Variants in TMEM232 observed in about 807,000 individuals in gnomAD.
TMEM232 encodes the protein transmembrane protein 232.
Under a neutral mutation model 78.8 loss-of-function variants are expected in TMEM232, and 80 were observed. The ratio of observed to expected loss-of-function variants is 1.01; its 90% CI spans 0.85 to 1.22. TMEM232 has a LOEUF of 1.22. TMEM232 is among the 50% of genes most tolerant of loss of function. TMEM232 has a pLI of 0.00. For missense variants in TMEM232, 881 were observed against 742.2 expected, an observed-to-expected ratio of 1.19 and a Z score of -2.17; for synonymous variants, 297 against 254.3, an observed-to-expected ratio of 1.17 and a Z score of -1.60.
At chr5:110,655,898 G>T (rs1378783144) in intron 2 of TMEM232, among the ~76,000 whole-genome samples, 1 of 116,542 alleles carries the variant, frequency 8.6e-6, no homozygotes, top group African/African-American at 3.4e-5. Context: ...ACACTCTGGG[G>T]ACTGTTGTGG....
rs386404691 is a variant in TMEM232 at position 110,705,738 on chromosome 5, ATGTG to A, written c.-13+20885_-13+20888del. Among the ~76,000 whole-genome samples, 13 of 144,438 alleles carry A rather than the reference ATGTG, an allele frequency of 9.0e-5. No individual in the cohort carries two copies. The East Asian group carries it at 1.9e-3, about 21-fold the overall frequency. The allele number at this position is 144,438 out of a possible 152,430, so 94.8% of individuals were successfully genotyped here. A position where few individuals can be genotyped will look rare whatever the true frequency, so the allele number is the denominator to read the frequency against. On this transcript the variant is annotated intron_variant, in intron 1 of 13. Coordinates refer to ENST00000455884, the MANE Select transcript of TMEM232 (RefSeq NM_001039763.4). ...TATATATATATACACACACACACAT[ATGTG>A]TGTGTGTGTGTATGTGTGTGCGTGT...
intron 12 of TMEM232, among the ~76,000 whole-genome samples, chr5:110,469,916 A>T (rs1762488545): frequency 6.6e-6 from 1 of 152,066 alleles, no homozygotes; most frequent in African/African-American, 2.4e-5. Flanking sequence ...GTCCCCTAAA[A>T]TTTGAGCTGC....
Position 110,639,582 on chromosome 5 carries a change from G to A in TMEM232, c.344-1227C>T, listed in dbSNP as rs146056464. 1.0e-2 allele frequency among the ~76,000 whole-genome samples: 1,522 copies of A among 152,244 alleles called. 32 individuals are homozygous for A. The highest frequency in any genetic ancestry group is 0.034 in the African/African-American group (1,420 of 41,544). On this transcript the variant is annotated intron_variant, in intron 4 of 13. Transcript: ENST00000455884. ...TACCAAGCAAACTAGACAGGAACAA[G>A]GAAGAGTATAGGCAGGAAAGGCATG...
chr5:110,725,794 T>C (rs1252236372), intron 1 of TMEM232: 1 of 152,170 alleles, frequency 6.6e-6, no homozygotes, highest in East Asian at 1.9e-4. Context: ...AAAATGAGGT[T>C]GAAACTGTAT....
chr5:110,487,727 T>C (rs964017146), intron 12 of TMEM232, among the ~76,000 whole-genome samples: 14 of 152,260 alleles, frequency 9.2e-5, no homozygotes, highest in African/African-American at 3.4e-4. Flanking sequence ...TTAAGAATCT[T>C]AGCATCTATA....
Position 110,461,794 on chromosome 5 carries a change from C to A in TMEM232, c.1704-36878G>T, listed in dbSNP as rs116238337. Among the ~76,000 whole-genome samples the A allele has an allele frequency of 3.8e-3, 582 of 152,176 alleles. 4 individuals are homozygous for A. The highest frequency in any genetic ancestry group is 0.013 in the African/African-American group (559 of 41,504). On this transcript the variant is annotated intron_variant, in intron 12 of 13. Coordinates refer to ENST00000455884, the MANE Select transcript of TMEM232 (RefSeq NM_001039763.4). ...ATGCTAAATCTACTTTGCCTATGCT[C>A]TAAATATAGTTTAACAAAGCCTAAA... is the stretch of plus-strand genomic sequence containing the variant.
chr5:110,675,619 C>T (rs1791931048), intron 1 of TMEM232, among the ~76,000 whole-genome samples: 1 of 152,160 alleles, frequency 6.6e-6, no homozygotes, highest in African/African-American at 2.4e-5. Context: ...TCAGCTGGCA[C>T]CTTTTCTCCA....
At chr5:110,543,330 C>A (rs1773395680) in intron 11 of TMEM232, among the ~76,000 whole-genome samples, 1 of 152,134 alleles carries the variant, frequency 6.6e-6, no homozygotes, top group African/African-American at 2.4e-5. Context: ...AAATTTCTAT[C>A]CTTCATTGAT....
intron 2 of TMEM232, among the ~76,000 whole-genome samples, chr5:110,665,530 G>A (rs1291510835): frequency 2.0e-5 from 3 of 152,104 alleles, no homozygotes; most frequent in Non-Finnish European, 4.4e-5. Context: ...GGTGGCAGGA[G>A]AGAGTGAGAA....
intron 1 of TMEM232, among the ~76,000 whole-genome samples, chr5:110,675,690 T>C (rs1017974715): frequency 6.6e-6 from 1 of 152,236 alleles, no homozygotes; most frequent in East Asian, 1.9e-4. Context: ...TTATGTTGTA[T>C]AATGTGATGT....
chr5:110,446,372 C>T lies in TMEM232; in HGVS notation c.1704-21456G>A, dbSNP rs1055803478. Among the ~76,000 whole-genome samples, 6 of 152,102 alleles carry T rather than the reference C, an allele frequency of 3.9e-5. No homozygotes were observed. The South Asian group carries it at 1.0e-3, about 26-fold the overall frequency. On this transcript the variant is annotated intron_variant, in intron 12 of 13. Coordinates refer to ENST00000455884, the MANE Select transcript of TMEM232 (RefSeq NM_001039763.4). ...TTTCAAAATTATTCTGACAGCTGTGCAGATTAAACAAGAAATACTTAGAGA... is the reference window on the plus strand; with the variant it reads ...TTTCAAAATTATTCTGACAGCTGTGTAGATTAAACAAGAAATACTTAGAGA...
intron 5 of TMEM232, among the ~76,000 whole-genome samples, chr5:110,629,852 A>T (rs980628439): frequency 1.3e-5 from 2 of 152,336 alleles, no homozygotes; most frequent in East Asian, 1.9e-4. Context: ...GAAGTCAATC[A>T]TTAAGAATAT....
chr5:110,459,961 G>T (rs1364068623), intron 12 of TMEM232, among the ~76,000 whole-genome samples: 1 of 152,126 alleles, frequency 6.6e-6, no homozygotes, highest in Non-Finnish European at 1.5e-5. Context: ...TGTAAAAAAT[G>T]TCAAGATTAA....
At chr5:110,711,859 C>T (rs1796515922) in intron 1 of TMEM232, among the ~76,000 whole-genome samples, 1 of 152,058 alleles carries the variant, frequency 6.6e-6, no homozygotes, top group South Asian at 2.1e-4. Flanking sequence ...GTAATCCCAG[C>T]ACTTTGGGAG....
At chr5:110,401,008 A>G (rs1580556644) in intron 2 of TMEM232, among the ~76,000 whole-genome samples, 1 of 152,202 alleles carries the variant, frequency 6.6e-6, no homozygotes, top group African/African-American at 2.4e-5. Context: ...TGTATATCAA[A>G]ACAACTTTCT....
intron 10 of TMEM232, among the ~76,000 whole-genome samples, chr5:110,598,663 A>G (rs943330438): frequency 6.6e-6 from 1 of 152,006 alleles, no homozygotes; most frequent in Non-Finnish European, 1.5e-5. Context: ...CATATACACC[A>G]TGGAATACTA....
chr5:110,719,152 C>T lies in TMEM232; in HGVS notation c.-13+7475G>A, dbSNP rs35935393. On this transcript the variant is annotated intron_variant, in intron 1 of 13. Transcript: ENST00000455884. ...TCTTTGACTGAAATACTATGAAGTA[C>T]ATGACTGCGTGTGTGTATATACATA... Among the ~76,000 whole-genome samples, 301 of 151,782 alleles carry T rather than the reference C, an allele frequency of 2.0e-3. 1 individual carries two copies. Among genetic ancestry groups the T allele is most frequent in the Non-Finnish European group, 3.5e-3 (239 of 67,922 alleles).
intron 2 of TMEM232, among the ~76,000 whole-genome samples, chr5:110,644,125 T>C (rs1013764089): frequency 6.6e-6 from 1 of 151,984 alleles, no homozygotes; most frequent in Non-Finnish European, 1.5e-5. Context: ...AAGTCTGTGA[T>C]AATTGGGCAT....
chr5:110,658,412 T>C (rs1017244249), intron 2 of TMEM232, among the ~76,000 whole-genome samples: 1 of 152,180 alleles, frequency 6.6e-6, no homozygotes, highest in Admixed American at 6.5e-5. Context: ...GTCTTAAGCT[T>C]TGAAAATGCA....
Sources: gnomAD v4.1 joint callset for allele counts (sites outside exome capture counted in the v4.1 genomes callset) on GRCh38, gnomAD v4.1.1 for gene constraint, MANE v1.5 for transcripts, NCBI Gene and HGNC (gene_info 2026-07-23, HGNC 2026-07-21) for gene names.